The following FHIT variants were observed in gnomAD, a reference collection of about 807,000 sequenced individuals.
FHIT encodes the protein bis(5'-adenosyl)-triphosphatase.
Under a neutral mutation model 17.9 loss-of-function variants are expected in FHIT, and 19 were observed. The observed-to-expected ratio is 1.06, with a 90% CI of 0.74 to 1.56. The LOEUF (loss-of-function observed/expected upper bound fraction) is 1.56, where lower values mean the gene tolerates loss of function less well. Among genes scored for constraint, FHIT ranks in the 40% most tolerant of loss-of-function variants. The pLI is 0.00. For missense variants in FHIT, 248 were observed against 189.2 expected (o/e 1.31, Z -1.82); for synonymous variants, 81 against 69.7 (o/e 1.16, Z -0.81).
chr3:60,776,835 AG>A (rs1270461404), intron 4 of FHIT, among the ~76,000 whole-genome samples: 3 of 152,224 alleles, frequency 2.0e-5, no homozygotes, highest in Non-Finnish European at 4.4e-5. Flanking sequence ...CCTAGGGTTA[AG>A]GATTGTTTTG....
chr3:61,183,480 C>A (rs1405751781), intron 2 of FHIT, among the ~76,000 whole-genome samples: 1 of 152,170 alleles, frequency 6.6e-6, no homozygotes, highest in African/African-American at 2.4e-5. Context: ...GTTCTTCTCC[C>A]CTTGCCTGAT....
intron 5 of FHIT, among the ~76,000 whole-genome samples, chr3:60,354,464 A>G (rs567362882): frequency 2.6e-5 from 4 of 152,238 alleles, no homozygotes; most frequent in Non-Finnish European, 4.4e-5. Flanking sequence ...ATGATTCTCG[A>G]AAAAGCCCCA....
rs140264557 is a variant in FHIT, at chr3:60,736,320, A to G, written c.-18+85599T>C. Among the ~76,000 whole-genome samples, 241 of 152,282 alleles carry G rather than the reference A, an allele frequency of 1.6e-3. 1 individual carries two copies. The highest frequency in any genetic ancestry group is 2.7e-3 in the Non-Finnish European group (184 of 68,020). On this transcript the variant is annotated intron_variant, in intron 4 of 9. Coordinates refer to ENST00000492590, the MANE Select transcript of FHIT (RefSeq NM_002012.4). ...TCTGAGGAAATAAATATACAAGTACACACACACATACAAATTAAAAAGTCC... is the reference window on the plus strand; with the variant it reads ...TCTGAGGAAATAAATATACAAGTACGCACACACATACAAATTAAAAAGTCC...
intron 4 of FHIT, among the ~76,000 whole-genome samples, chr3:60,701,815 T>A (rs1437821962): frequency 6.6e-6 from 1 of 151,962 alleles, no homozygotes; most frequent in Non-Finnish European, 1.5e-5. Flanking sequence ...AGGAAGGGGG[T>A]TTGTTTTGGG....
At chr3:59,756,459 C>T (rs1037226295) in intron 8 of FHIT, among the ~76,000 whole-genome samples, 3 of 151,500 alleles carry the variant, frequency 2.0e-5, no homozygotes, top group African/African-American at 7.3e-5. Flanking sequence ...GTCAATACCC[C>T]AGGAGTATGG....
At chr3:60,561,895 GA>G (rs200176867) in intron 4 of FHIT, among the ~76,000 whole-genome samples, 4 of 134,456 alleles carry the variant, frequency 3.0e-5, no homozygotes, top group Non-Finnish European at 4.9e-5. Context: ...TGAAAGAAAA[GA>G]AAAAAAAAGA....
chr3:59,858,992 T>C (rs1345819260), intron 8 of FHIT, among the ~76,000 whole-genome samples: 1 of 152,162 alleles, frequency 6.6e-6, no homozygotes, highest in Non-Finnish European at 1.5e-5. Flanking sequence ...AGCATTGACA[T>C]CACAGGAACA....
In FHIT at chr3:60,805,097, C is replaced by A. The variant is rs143918368; in HGVS notation, c.-18+16822G>T. 4.4e-3 allele frequency among the ~76,000 whole-genome samples: 675 copies of A among 152,274 alleles called. 5 individuals are homozygous for A. The highest frequency in any genetic ancestry group is 0.016 in the African/African-American group (648 of 41,558). ...TGAGTAGCTTTATACTATGGTTATG[C>A]TGGGCATTACTCAATAGGCAGGATG... is the stretch of plus-strand genomic sequence containing the variant. On this transcript the variant is annotated intron_variant, in intron 4 of 9. Transcript: ENST00000492590.
At chr3:60,365,874 A>C (rs1315283176) in intron 5 of FHIT, among the ~76,000 whole-genome samples, 2 of 152,178 alleles carry the variant, frequency 1.3e-5, no homozygotes, top group Non-Finnish European at 2.9e-5. Context: ...CGTAACAACA[A>C]AATATACCTG....
chr3:61,134,349 A>G (rs1224313543), intron 2 of FHIT, among the ~76,000 whole-genome samples: 5 of 152,174 alleles, frequency 3.3e-5, no homozygotes, highest in Admixed American at 3.3e-4. Context: ...AAAAACATGC[A>G]AGAAAATAAT....
chr3:60,979,247 A>G (rs1021817458), intron 3 of FHIT, among the ~76,000 whole-genome samples: 3 of 152,120 alleles, frequency 2.0e-5, no homozygotes, highest in African/African-American at 7.2e-5. Flanking sequence ...TCCCATAGTA[A>G]ATAAGGCAAA....
In FHIT at chr3:60,978,439, T is replaced by C. The variant is rs142281251; in HGVS notation, c.-111+63608A>G. 5.3e-3 allele frequency among the ~76,000 whole-genome samples: 809 copies of C among 152,334 alleles called. 15 individuals carry two copies. Among genetic ancestry groups the C allele is most frequent in the Non-Finnish European group, 6.1e-3 (414 of 68,024 alleles). On this transcript the variant is annotated intron_variant, in intron 3 of 9. Coordinates refer to ENST00000492590, the MANE Select transcript of FHIT (RefSeq NM_002012.4). ...TCTTTGAGCCTGGGGCAGTGGCCTATCCTGGGCCTTTTTCTTTACAGGTAT... is the reference window on the plus strand; with the variant it reads ...TCTTTGAGCCTGGGGCAGTGGCCTACCCTGGGCCTTTTTCTTTACAGGTAT...
At chr3:60,621,051 T>G (rs1259147615) in intron 4 of FHIT, among the ~76,000 whole-genome samples, 2 of 152,074 alleles carry the variant, frequency 1.3e-5, no homozygotes, top group Admixed American at 6.5e-5. Context: ...GACTAAAACA[T>G]TTAACTCCCA....
At chr3:61,144,022 A>G (rs936220026) in intron 2 of FHIT, among the ~76,000 whole-genome samples, 4 of 152,210 alleles carry the variant, frequency 2.6e-5, no homozygotes, top group African/African-American at 9.6e-5. Flanking sequence ...TCTATTGCCA[A>G]TGTGCTTTTT....
intron 8 of FHIT, among the ~76,000 whole-genome samples, chr3:59,832,295 C>CA (rs1265623415): frequency 6.6e-6 from 1 of 152,130 alleles, no homozygotes; most frequent in African/African-American, 2.4e-5. Context: ...ATTTCTCAAC[C>CA]ATTGAGTCAC....
At chr3:60,635,331 T>C (rs1187714622) in intron 4 of FHIT, among the ~76,000 whole-genome samples, 15 of 152,226 alleles carry the variant, frequency 9.9e-5, no homozygotes, top group African/African-American at 2.2e-4. Context: ...AGGCCACTCA[T>C]AGCATCTCCC....
intron 7 of FHIT, among the ~76,000 whole-genome samples, chr3:60,008,483 A>T (rs775456067): frequency 6.6e-6 from 1 of 152,132 alleles, no homozygotes; most frequent in Non-Finnish European, 1.5e-5. Context: ...GAAACAAAAA[A>T]ACCCTACAGT....
chr3:60,367,216 T>C (rs1221680403), intron 5 of FHIT, among the ~76,000 whole-genome samples: 1 of 152,216 alleles, frequency 6.6e-6, no homozygotes, highest in Non-Finnish European at 1.5e-5. Flanking sequence ...TTCCTTTCAA[T>C]TAAGTCAGGT....
intron 5 of FHIT, among the ~76,000 whole-genome samples, chr3:60,244,912 G>C (rs1015872544): frequency 1.3e-5 from 2 of 152,004 alleles, no homozygotes; most frequent in African/African-American, 4.8e-5. Flanking sequence ...TGCATTTTTA[G>C]AAAAACTGTA....
Sources: allele counts gnomAD v4.1 joint callset (sites outside exome capture counted in the v4.1 genomes callset), GRCh38; gene constraint gnomAD v4.1.1; transcripts MANE v1.5; gene names NCBI Gene and HGNC (gene_info 2026-07-23, HGNC 2026-07-21).